The following CYFIP1 variants were observed in gnomAD, a reference collection of about 807,000 sequenced individuals.
CYFIP1 encodes the protein cytoplasmic FMR1-interacting protein 1.
Under a neutral mutation model 163.5 loss-of-function variants are expected in CYFIP1, and 58 were observed. The ratio of observed to expected loss-of-function variants is 0.35; its 90% CI spans 0.29 to 0.44. The LOEUF (loss-of-function observed/expected upper bound fraction) is 0.44, where lower values mean the gene tolerates loss of function less well. Ranked by LOEUF, CYFIP1 falls within the 20% of genes least tolerant of loss-of-function variation. The pLI, the probability that CYFIP1 is intolerant of heterozygous loss-of-function variation, is 1.00. For missense variants in CYFIP1, 1,338 were observed against 1,653.8 expected (o/e 0.81, Z 3.31); for synonymous variants, 663 against 660.7 (o/e 1.00, Z -0.05).
Position 22,867,287 on chromosome 15 carries a change from A to G in CYFIP1, c.*2741T>C, listed in dbSNP as rs1216443945. On this transcript the variant is annotated 3_prime_UTR_variant, in exon 31 of 31. Coordinates refer to ENST00000617928, the MANE Select transcript of CYFIP1 (RefSeq NM_014608.6). ...CATTATCCTGTGATTTACCTTACCTACAAAAGTGGCTCCTGTTTGTTTGAT... is the reference window on the plus strand; with the variant it reads ...CATTATCCTGTGATTTACCTTACCTGCAAAAGTGGCTCCTGTTTGTTTGAT... The G allele has an allele frequency of 2.8e-5, 11 of 398,536 alleles. 1 individual carries two copies. The highest frequency in any genetic ancestry group is 4.0e-5 in the Non-Finnish European group (9 of 226,196). 24.7% of individuals were successfully genotyped at this position (398,536 alleles called of 1,614,324 possible). A position where few individuals can be genotyped will look rare whatever the true frequency, so the allele number is the denominator to read the frequency against.
intron 23 of CYFIP1, among the ~76,000 whole-genome samples, chr15:22,891,070 G>A (rs2060067504): frequency 6.6e-6 from 1 of 151,242 alleles, no homozygotes; most frequent in Admixed American, 6.6e-5. Flanking sequence ...ACCCTAGAGA[G>A]GATCTGAATT....
At chr15:22,964,789 C>T (rs11632180) in intron 1 of CYFIP1, among the ~76,000 whole-genome samples, 29,874 of 152,102 alleles carry the variant, frequency 0.2, 3,152 homozygotes, top group Non-Finnish European at 0.22. Context: ...TTCACAGAGC[C>T]GAGAAACGGC....
intron 13 of CYFIP1, among the ~76,000 whole-genome samples, chr15:22,925,439 G>A (rs968396816): frequency 5.3e-5 from 8 of 152,152 alleles, no homozygotes; most frequent in African/African-American, 1.2e-4. Flanking sequence ...AGGGTTGGAC[G>A]GAATTGTTTC....
chr15:22,951,025 G>GA (rs1207453818), intron 1 of CYFIP1, among the ~76,000 whole-genome samples: 1 of 152,198 alleles, frequency 6.6e-6, no homozygotes, highest in African/African-American at 2.4e-5. Context: ...TGCAAGTACG[G>GA]AAAAACATAG....
intron 6 of CYFIP1, 26 bp from the exon 7 acceptor site, chr15:22,939,533 C>A: frequency 2.9e-6 from 3 of 1,036,716 alleles, no homozygotes; most frequent in Non-Finnish European, 4.2e-6. Flanking sequence ...GAATTCATCC[C>A]AAAATGCACC....
chr15:22,904,571 G>A (rs558443677), intron 21 of CYFIP1: 2 of 152,644 alleles, frequency 1.3e-5, no homozygotes, highest in East Asian at 1.9e-4. Flanking sequence ...GGGATACAGT[G>A]GATTAAGTAT....
At chr15:22,874,479 C>T in intron 28 of CYFIP1, 71 bp downstream of exon 28, 1 of 1,254,532 alleles carries the variant, frequency 8.0e-7, no homozygotes, top group Non-Finnish European at 1.1e-6. Context: ...CAGTCTGGCT[C>T]CCAACCAGGC....
rs1204294428 is a variant in CYFIP1, at chr15:22,933,828, G to A, written c.966C>T (p.Ser322=). 5 of 1,613,002 alleles carry A rather than the reference G, an allele frequency of 3.1e-6. No homozygotes were observed. The highest frequency in any genetic ancestry group is 3.3e-5 in the Admixed American group (2 of 59,706). Residue 322 remains serine, a synonymous_variant, in exon 10 of 31, where the codon AGC becomes AGT. Transcript: ENST00000617928. ...GAGATTTATTTTCCTCGTAGTGGGC[G>A]CTGGTCTTGATATATCTTGCCAGTT... is the stretch of plus-strand genomic sequence containing the variant. ...QIELARYIKT[S]AHYEENKSRW... is the part of the protein sequence containing the mutation.
chr15:22,931,955 G>A (rs1005355027), intron 11 of CYFIP1, among the ~76,000 whole-genome samples: 6 of 152,100 alleles, frequency 3.9e-5, no homozygotes, highest in African/African-American at 9.7e-5. Flanking sequence ...TGCTCCATAG[G>A]TGTGTGGCCT....
rs1345494286 is a variant in CYFIP1, at chr15:22,917,089, C to T, written c.1675-459G>A. The T allele has an allele frequency of 9.5e-6, 14 of 1,473,294 alleles. No homozygotes were observed. The highest frequency in any genetic ancestry group is 1.2e-5 in the Non-Finnish European group (13 of 1,115,736). 91.3% of individuals were successfully genotyped at this position (1,473,294 alleles called of 1,614,324 possible). On this transcript the variant is annotated intron_variant, in intron 15 of 30. Coordinates refer to ENST00000617928, the MANE Select transcript of CYFIP1 (RefSeq NM_014608.6). The surrounding 1 kb of genome is among the most constrained non-coding windows in gnomAD (Gnocchi z 4.2). Reference sequence around the variant, plus strand: ...AGAGACGTTAGTCACTCGACACACACACCCCAGGCAGGGACACGGGACGCA... The same window carrying T: ...AGAGACGTTAGTCACTCGACACACATACCCCAGGCAGGGACACGGGACGCA...
chr15:22,916,354 G>A (rs1009833199), intron 16 of CYFIP1, 123 bp downstream of exon 16: 13 of 728,404 alleles, frequency 1.8e-5, no homozygotes, highest in South Asian at 1.0e-4. Context: ...AGGGCAGGAC[G>A]AGTCACCGTC....
At chr15:22,932,967 G>C (rs774736987) in intron 10 of CYFIP1, among the ~76,000 whole-genome samples, 3 of 152,080 alleles carry the variant, frequency 2.0e-5, no homozygotes, top group African/African-American at 4.8e-5. Context: ...TGAGTAGCTG[G>C]GACTACAGGC....
intron 11 of CYFIP1, among the ~76,000 whole-genome samples, 154 bp from the exon 12 acceptor site, chr15:22,928,182 C>A (rs1330355407): frequency 6.6e-6 from 1 of 152,058 alleles, no homozygotes; most frequent in Non-Finnish European, 1.5e-5. Context: ...TCGGGAGATC[C>A]AGACCATCCT....
intron 1 of CYFIP1, among the ~76,000 whole-genome samples, chr15:22,948,806 T>A (rs2062145482): frequency 9.3e-5 from 6 of 64,412 alleles, no homozygotes; most frequent in African/African-American, 2.0e-4. Context: ...ACTACTGAAA[T>A]GTAAAAAAAA....
intron 22 of CYFIP1, among the ~76,000 whole-genome samples, chr15:22,901,613 T>C (rs2060395513): frequency 6.6e-6 from 1 of 152,190 alleles, no homozygotes; most frequent in Non-Finnish European, 1.5e-5. Flanking sequence ...TTACCCACTG[T>C]ACAGGTTAAA....
intron 23 of CYFIP1, among the ~76,000 whole-genome samples, chr15:22,892,448 C>T (rs1338397724): frequency 1.3e-5 from 2 of 152,146 alleles, no homozygotes; most frequent in Admixed American, 6.5e-5. Context: ...GTCAGACCTT[C>T]CCTGGGCTCA....
chr15:22,887,327 C>G (rs765082433), intron 23 of CYFIP1, among the ~76,000 whole-genome samples: 26 of 152,102 alleles, frequency 1.7e-4, no homozygotes, highest in Non-Finnish European at 3.2e-4. Context: ...CAGGCCCAAG[C>G]CCTGCGGCCC....
Position 22,917,344 on chromosome 15 carries a change from G to A in CYFIP1, c.1674+444C>T. The A allele has an allele frequency of 7.9e-7, 1 of 1,272,888 alleles. No individual in the cohort carries two copies. Among genetic ancestry groups the A allele is most frequent in the Non-Finnish European group, 1.0e-6 (1 of 1,001,702 alleles). The allele number at this position is 1,272,888 out of a possible 1,614,324, so 78.8% of individuals were successfully genotyped here. A position where few individuals can be genotyped will look rare whatever the true frequency, so the allele number is the denominator to read the frequency against. On this transcript the variant is annotated intron_variant, in intron 15 of 30. Transcript: ENST00000617928. The surrounding 1 kb of genome is among the most constrained non-coding windows in gnomAD (Gnocchi z 4.2). ...AAAGTCGTGAGAAGCACCTCGGGGA[G>A]GCCTGAACACACCAGGAGAGAGGAC...
chr15:22,926,416 T>C (rs2061359078), intron 12 of CYFIP1, among the ~76,000 whole-genome samples: 2 of 152,192 alleles, frequency 1.3e-5, no homozygotes, highest in Admixed American at 6.6e-5. Context: ...CTCATGCCTA[T>C]GACCCCAGCA....
Sources: allele counts gnomAD v4.1 joint callset (sites outside exome capture counted in the v4.1 genomes callset), GRCh38; gene constraint gnomAD v4.1.1; non-coding constraint Gnocchi (gnomAD v3.1); transcripts MANE v1.5; gene names NCBI Gene and HGNC (gene_info 2026-07-23, HGNC 2026-07-21).